AKAP19: variants seen among roughly 807,000 people sequenced by gnomAD.
AKAP19 encodes the protein small A-kinase anchoring protein.
At chr2:189,898,592 A>C in the AKAP19 span, among the ~76,000 whole-genome samples, 4 of 152,188 alleles carry the variant, frequency 2.6e-5, no homozygotes, top group Non-Finnish European at 4.4e-5. Context: ...ACTTATATAC[A>C]CATAATCACC....
chr2:190,104,856 GACAA>G, the AKAP19 span, among the ~76,000 whole-genome samples: 2 of 151,982 alleles, frequency 1.3e-5, no homozygotes, highest in Admixed American at 6.6e-5. Context: ...CTCAAAAGAA[GACAA>G]ACAAGTGGCC....
chr2:189,985,625 A>G, the AKAP19 span, among the ~76,000 whole-genome samples: 1 of 152,192 alleles, frequency 6.6e-6, no homozygotes, highest in Admixed American at 6.5e-5. Context: ...AAGGAACACA[A>G]TTCTGCCAAC....
chr2:190,200,502 AT>A, the AKAP19 span: 1 of 179,782 alleles, frequency 5.6e-6, no homozygotes, highest in Non-Finnish European at 1.2e-5. Flanking sequence ...ATCCTTTAAA[AT>A]AACAATTTTT....
the AKAP19 span, among the ~76,000 whole-genome samples, chr2:190,004,385 G>C: frequency 2.0e-5 from 3 of 152,126 alleles, no homozygotes; most frequent in African/African-American, 2.4e-5. Flanking sequence ...TCCTCCCCTA[G>C]TGTTAACCTG....
At chr2:189,920,029 C>G in the AKAP19 span, among the ~76,000 whole-genome samples, 1 of 152,174 alleles carries the variant, frequency 6.6e-6, no homozygotes, top group Non-Finnish European at 1.5e-5. Flanking sequence ...TTGTAGGATA[C>G]AGTTGTGCCA....
the AKAP19 span, among the ~76,000 whole-genome samples, chr2:190,029,485 T>A: frequency 6.6e-6 from 1 of 152,184 alleles, no homozygotes; most frequent in Non-Finnish European, 1.5e-5. Context: ...ATGATGTAGA[T>A]CTATATTTAT....
chr2:190,129,875 C>T, the AKAP19 span, among the ~76,000 whole-genome samples: 2,218 of 152,194 alleles, frequency 0.015, 54 homozygotes, highest in African/African-American at 0.05. Flanking sequence ...TGTCCTTCTT[C>T]CTCTGAGTGC....
chr2:190,158,538 C>G, the AKAP19 span, among the ~76,000 whole-genome samples: 2 of 152,006 alleles, frequency 1.3e-5, no homozygotes, highest in African/African-American at 4.8e-5. Flanking sequence ...ATGAATTTTG[C>G]CATAAACAAG....
chr2:189,932,707 CAAA>C, the AKAP19 span, among the ~76,000 whole-genome samples: 5 of 113,658 alleles, frequency 4.4e-5, no homozygotes, highest in Admixed American at 9.5e-5. Flanking sequence ...CCCTCTCTTT[CAAA>C]AAAAAAAAAA....
chr2:190,146,114 T>C, the AKAP19 span, among the ~76,000 whole-genome samples: 5 of 152,078 alleles, frequency 3.3e-5, no homozygotes, highest in African/African-American at 1.2e-4. Context: ...CCGAGCAGTA[T>C]ACACTGTACC....
the AKAP19 span, among the ~76,000 whole-genome samples, chr2:190,035,496 C>A: frequency 6.6e-6 from 1 of 152,176 alleles, no homozygotes; most frequent in Non-Finnish European, 1.5e-5. Flanking sequence ...GTCCCTCATG[C>A]CACTTTGTTT....
the AKAP19 span, among the ~76,000 whole-genome samples, chr2:189,898,070 A>G: frequency 1.3e-5 from 2 of 152,058 alleles, no homozygotes; most frequent in African/African-American, 4.8e-5. Flanking sequence ...TTAGCCTCCC[A>G]TGGTAGCACA....
chr2:190,004,951 C>T, the AKAP19 span, among the ~76,000 whole-genome samples: 1 of 152,166 alleles, frequency 6.6e-6, no homozygotes, highest in Non-Finnish European at 1.5e-5. Context: ...GGTTCTTGGT[C>T]TCACTTAGTT....
chr2:190,196,377 A>G, the AKAP19 span, among the ~76,000 whole-genome samples: 1 of 151,952 alleles, frequency 6.6e-6, no homozygotes, highest in Non-Finnish European at 1.5e-5. Context: ...TGTACATTTC[A>G]GTTACTGATT....
the AKAP19 span, among the ~76,000 whole-genome samples, chr2:189,984,955 G>A: frequency 1.3e-5 from 2 of 151,978 alleles, no homozygotes; most frequent in African/African-American, 4.8e-5. Flanking sequence ...AGCTCTGAGA[G>A]GAGTGCAGAC....
the AKAP19 span, among the ~76,000 whole-genome samples, chr2:189,938,606 T>C: frequency 2.0e-5 from 3 of 152,140 alleles, no homozygotes; most frequent in East Asian, 5.8e-4. Context: ...GGTTAATGGT[T>C]ACAAAAAAAT....
At chr2:190,136,282 C>T in the AKAP19 span, among the ~76,000 whole-genome samples, 39,806 of 151,876 alleles carry the variant, frequency 0.26, 5,402 homozygotes, top group Admixed American at 0.36. Flanking sequence ...AGACCCTGGC[C>T]CAGCAATGGA....
At chr2:189,999,539 A>G in the AKAP19 span, among the ~76,000 whole-genome samples, 1 of 152,194 alleles carries the variant, frequency 6.6e-6, no homozygotes, top group Non-Finnish European at 1.5e-5. Flanking sequence ...GATTTGTATT[A>G]TAGTCTGATG....
chr2:190,079,492 G>A, the AKAP19 span: 1 of 152,212 alleles, frequency 6.6e-6, no homozygotes, highest in Non-Finnish European at 1.5e-5. Context: ...CTCTGTGAGT[G>A]TTCTCTCCCC....
Sources: gnomAD v4.1 joint callset for allele counts (sites outside exome capture counted in the v4.1 genomes callset) on GRCh38, gnomAD v4.1.1 for gene constraint, MANE v1.5 for transcripts, NCBI Gene and HGNC (gene_info 2026-07-23, HGNC 2026-07-21) for gene names.